NDUFAF6: variants seen among roughly 807,000 people sequenced by gnomAD.
NDUFAF6 encodes the protein NADH dehydrogenase (ubiquinone) complex I, assembly factor 6.
A neutral mutation model predicts 40.8 loss-of-function variants in NDUFAF6; 45 were observed. The observed-to-expected ratio is 1.10, with a 90% confidence interval of 0.87 to 1.42. NDUFAF6 has a LOEUF of 1.42. Ranked by LOEUF, NDUFAF6 falls within the 40% of genes most tolerant of loss-of-function variation. The probability of loss-of-function intolerance (pLI) is 0.00; values close to 1 mark genes in which losing one functional copy is unlikely to be tolerated. For synonymous variants in NDUFAF6, 185 were observed against 155.9 expected (o/e 1.19, Z -1.39); for missense variants, 435 against 418.5 (o/e 1.04, Z -0.34).
chr8:95,114,140 AAAACTT>A (rs1810076061), intron 4 of NDUFAF6, among the ~76,000 whole-genome samples: 1 of 134,352 alleles, frequency 7.4e-6, no homozygotes, highest in Non-Finnish European at 1.6e-5. Flanking sequence ...CATGTACCCT[AAAACTT>A]AAAGTATAAT....
At chr8:95,023,466 T>C (rs1351626685), upstream of NDUFAF6, 2 of 152,194 alleles carry the variant, frequency 1.3e-5, no homozygotes, top group Non-Finnish European at 2.9e-5. Context: ...GAAAGGTAAA[T>C]TGAGGCCACA....
intron 2 of NDUFAF6, among the ~76,000 whole-genome samples, chr8:95,092,831 G>A (rs1809307447): frequency 6.6e-6 from 1 of 152,176 alleles, no homozygotes; most frequent in Non-Finnish European, 1.5e-5. Context: ...TGATCGGCCT[G>A]CTTTGGCCTC....
At chr8:94,907,220 A>G (rs1818450198) in intron 1 of NDUFAF6, among the ~76,000 whole-genome samples, 1 of 152,188 alleles carries the variant, frequency 6.6e-6, no homozygotes, top group Admixed American at 6.5e-5. Context: ...AATGGCATCA[A>G]CTCATACTGT....
intron 1 of NDUFAF6, among the ~76,000 whole-genome samples, chr8:94,903,550 C>G: frequency 6.6e-6 from 1 of 152,154 alleles, no homozygotes; most frequent in Non-Finnish European, 1.5e-5. Flanking sequence ...GTTGTAGATA[C>G]ATACTTACGC....
At chr8:94,990,867 A>C (rs1489497467) in intron 2 of NDUFAF6, among the ~76,000 whole-genome samples, 1 of 152,224 alleles carries the variant, frequency 6.6e-6, no homozygotes, top group Non-Finnish European at 1.5e-5. Flanking sequence ...TCGCAGATAG[A>C]TGAACTCCAG....
intron 5 of NDUFAF6, among the ~76,000 whole-genome samples, chr8:95,046,192 C>T (rs1419428535): frequency 6.6e-6 from 1 of 152,090 alleles, no homozygotes; most frequent in African/African-American, 2.4e-5. Context: ...TCCTGAGTAG[C>T]TGGGACTACA....
At chr8:94,923,517 G>T (rs1586660675) in intron 1 of NDUFAF6, among the ~76,000 whole-genome samples, 1 of 151,974 alleles carries the variant, frequency 6.6e-6, no homozygotes, top group African/African-American at 2.4e-5. Context: ...TCCACTTCCT[G>T]TCTTCTATTC....
At chr8:94,958,113 G>A (rs551165993) in exon 1 of NDUFAF6, 1 of 152,704 alleles carries the variant, frequency 6.5e-6, no homozygotes, top group Admixed American at 6.5e-5. Context: ...AGTGGTTGGT[G>A]GCCATGGAGT....
At chr8:95,020,046 A>C (rs1827625488), upstream of NDUFAF6, among the ~76,000 whole-genome samples, 1 of 152,152 alleles carries the variant, frequency 6.6e-6, no homozygotes, top group African/African-American at 2.4e-5. Flanking sequence ...TAAAAATACA[A>C]AAATTAGCTG....
At chr8:95,078,638 C>T (rs1808706777), downstream of NDUFAF6, 1 of 115,054 alleles carries the variant, frequency 8.7e-6, no homozygotes, top group African/African-American at 3.4e-5. Flanking sequence ...ACAGTGAGCC[C>T]CTTTCTCTGT....
chr8:95,062,499 A>G (rs1000378195), downstream of NDUFAF6, among the ~76,000 whole-genome samples: 3 of 152,216 alleles, frequency 2.0e-5, no homozygotes, highest in African/African-American at 4.8e-5. Context: ...AATGTTTTAG[A>G]CAGGATGTGT....
intron 2 of NDUFAF6, chr8:95,034,845 G>C (rs1046556994): frequency 6.5e-6 from 1 of 153,106 alleles, no homozygotes; most frequent in African/African-American, 2.4e-5. Context: ...CCTAGATTTA[G>C]CTTGTGTTGG....
chr8:95,060,004 G>A (rs561782427), downstream of NDUFAF6, among the ~76,000 whole-genome samples: 5 of 152,008 alleles, frequency 3.3e-5, no homozygotes, highest in African/African-American at 4.8e-5. Flanking sequence ...TCATCTAGGC[G>A]TCTTGGTTCC....
intron 1 of NDUFAF6, chr8:94,940,265 T>G (rs1821400141): frequency 2.6e-6 from 4 of 1,541,746 alleles, no homozygotes; most frequent in African/African-American, 1.4e-5. Flanking sequence ...TGTTGAAGAG[T>G]CCCACAGGAG....
rs1563783525 is a variant in NDUFAF6, at chr8:95,004,372, T to TTC, written c.-84+23399_-84+23400insTC. On this transcript the variant is annotated intron_variant, in intron 2 of 9. Coordinates refer to the NDUFAF6 transcript ENST00000396111. ...TACTTTTTTTTTTTTTTTTTTTTTT[T>TTC]GAGACCGGGTCTTGCTGTGTCACCC... Among the ~76,000 whole-genome samples, 1,264 of 140,206 alleles carry TTC rather than the reference T, an allele frequency of 9.0e-3. 14 individuals carry two copies. The highest frequency in any genetic ancestry group is 0.031 in the African/African-American group (1,200 of 39,290). The allele number at this position is 140,206 out of a possible 152,430, so 92.0% of individuals were successfully genotyped here.
At chr8:94,939,636 G>C in intron 1 of NDUFAF6, 1 of 549,864 alleles carries the variant, frequency 1.8e-6, no homozygotes, top group Non-Finnish European at 3.2e-6. Context: ...GAGCTTAAGT[G>C]ATCTGCCTGC....
At chr8:95,035,721 T>C in intron 3 of NDUFAF6, 145 bp downstream of exon 3, 1 of 805,260 alleles carries the variant, frequency 1.2e-6, no homozygotes, top group Non-Finnish European at 1.9e-6. Context: ...TGTTATAGTT[T>C]TGGCACAGAA....
At chr8:94,997,359 G>C (rs1035229330) in intron 2 of NDUFAF6, among the ~76,000 whole-genome samples, 22 of 150,606 alleles carry the variant, frequency 1.5e-4, no homozygotes, top group African/African-American at 5.1e-4. Flanking sequence ...GAGAGAGAGA[G>C]AGAGAGACAG....
At chr8:95,032,291 T>G (rs2131776912) in intron 2 of NDUFAF6, among the ~76,000 whole-genome samples, 197 bp downstream of exon 2, 1 of 152,354 alleles carries the variant, frequency 6.6e-6, no homozygotes, top group East Asian at 1.9e-4. Flanking sequence ...AACTTAATGG[T>G]TCTAGAAATG....
Sources: allele counts gnomAD v4.1 joint callset (sites outside exome capture counted in the v4.1 genomes callset), GRCh38; gene constraint gnomAD v4.1.1; transcripts MANE v1.5; gene names NCBI Gene and HGNC (gene_info 2026-07-23, HGNC 2026-07-21).